Variants in SAMD12 observed in about 807,000 individuals in gnomAD.
SAMD12 encodes sterile alpha motif domain containing 12, also known as sterile alpha motif domain-containing protein 12.
Under a neutral mutation model 15.0 loss-of-function variants are expected in SAMD12, and 9 were observed. That is an observed-to-expected ratio of 0.60 (90% CI 0.36 to 1.05). SAMD12 has a LOEUF of 1.05. Ranked by LOEUF, SAMD12 falls within the 50% of genes least tolerant of loss-of-function variation. The pLI is 0.01. For missense variants in SAMD12, 230 were observed against 234.2 expected, an observed-to-expected ratio of 0.98 and a Z score of 0.12; for synonymous variants, 86 against 90.1, an observed-to-expected ratio of 0.96 and a Z score of 0.25.
chr8:118,510,308 G>T (rs535446260), intron 2 of SAMD12, among the ~76,000 whole-genome samples: 1 of 151,872 alleles, frequency 6.6e-6, no homozygotes, highest in Non-Finnish European at 1.5e-5. Flanking sequence ...CTCAGTGTAG[G>T]GTCCAGGAAC....
chr8:118,147,508 G>A, the SAMD12 span, among the ~76,000 whole-genome samples: 1 of 151,412 alleles, frequency 6.6e-6, no homozygotes, highest in Non-Finnish European at 1.5e-5. Context: ...TTACAGGTGT[G>A]TGCCATCTTG....
At chr8:118,585,545 A>C (rs1374065796) in intron 1 of SAMD12, among the ~76,000 whole-genome samples, 1 of 151,720 alleles carries the variant, frequency 6.6e-6, no homozygotes, top group Non-Finnish European at 1.5e-5. Flanking sequence ...GAGAGGTTCC[A>C]AAGATATTTT....
intron 2 of SAMD12, among the ~76,000 whole-genome samples, chr8:118,470,411 T>G (rs1392749831): frequency 2.6e-5 from 4 of 152,246 alleles, no homozygotes; most frequent in Non-Finnish European, 5.9e-5. Context: ...TCTTTTTCAC[T>G]TGTACTTTCC....
chr8:118,155,148 CTATT>C, the SAMD12 span, among the ~76,000 whole-genome samples: 1 of 152,018 alleles, frequency 6.6e-6, no homozygotes, highest in Non-Finnish European at 1.5e-5. Context: ...TTATTTGTAT[CTATT>C]TAGTATATTA....
chr8:118,446,199 T>C (rs1822906136), intron 2 of SAMD12, among the ~76,000 whole-genome samples: 1 of 150,996 alleles, frequency 6.6e-6, no homozygotes, highest in South Asian at 2.1e-4. Flanking sequence ...GACATCACTG[T>C]TGTAGTGTCT....
the SAMD12 span, among the ~76,000 whole-genome samples, chr8:118,165,308 C>T: frequency 5.9e-5 from 9 of 152,060 alleles, no homozygotes; most frequent in South Asian, 4.1e-4. Flanking sequence ...GAATACAACT[C>T]GGGAACAGCC....
chr8:118,458,073 T>C (rs1212011842), intron 2 of SAMD12, among the ~76,000 whole-genome samples: 2 of 152,158 alleles, frequency 1.3e-5, no homozygotes, highest in South Asian at 2.1e-4. Flanking sequence ...ACTCTCCCAT[T>C]TGACAAACAT....
intron 2 of SAMD12, among the ~76,000 whole-genome samples, chr8:118,560,738 A>C (rs1398030344): frequency 6.6e-6 from 1 of 152,184 alleles, no homozygotes; most frequent in African/African-American, 2.4e-5. Context: ...CATCATTATT[A>C]TAACCAGTGA....
At chr8:118,134,751 C>T in the SAMD12 span, among the ~76,000 whole-genome samples, 4 of 152,158 alleles carry the variant, frequency 2.6e-5, no homozygotes, top group Non-Finnish European at 2.9e-5. Context: ...CTAACTTGTC[C>T]GCTGTTTAAT....
At chr8:118,156,483 C>G in the SAMD12 span, among the ~76,000 whole-genome samples, 1 of 152,138 alleles carries the variant, frequency 6.6e-6, no homozygotes, top group Middle Eastern at 3.2e-3. Context: ...TGGGCCAGAT[C>G]CTGCATGTTT....
chr8:118,372,958 G>C (rs1819182390), intron 4 of SAMD12, among the ~76,000 whole-genome samples: 1 of 152,112 alleles, frequency 6.6e-6, no homozygotes, highest in Non-Finnish European at 1.5e-5. Flanking sequence ...AGGCAAAACT[G>C]TAGGGATGGA....
intron 2 of SAMD12, among the ~76,000 whole-genome samples, chr8:118,500,131 G>T (rs1263124463): frequency 4.9e-5 from 7 of 142,100 alleles, no homozygotes; most frequent in Non-Finnish European, 1.1e-4. Context: ...CAGGCTGGAG[G>T]GCAATGGCGC....
chr8:118,511,317 G>A (rs1825073462), intron 2 of SAMD12, among the ~76,000 whole-genome samples: 1 of 152,128 alleles, frequency 6.6e-6, no homozygotes. Context: ...TCATATGAAG[G>A]CGAAAACCAT....
chr8:118,159,934 G>A, the SAMD12 span, among the ~76,000 whole-genome samples: 1 of 152,008 alleles, frequency 6.6e-6, no homozygotes, highest in East Asian at 1.9e-4. Context: ...TGGCCAGGCT[G>A]GTCTCGAAAT....
At chr8:118,321,545 T>C (rs1032861594) in intron 4 of SAMD12, among the ~76,000 whole-genome samples, 3 of 151,748 alleles carry the variant, frequency 2.0e-5, no homozygotes, top group Non-Finnish European at 2.9e-5. Context: ...ACCTAGGAGA[T>C]GGAAGTTGCA....
chr8:118,145,742 A>T, the SAMD12 span, among the ~76,000 whole-genome samples: 1 of 152,224 alleles, frequency 6.6e-6, no homozygotes, highest in East Asian at 1.9e-4. Context: ...GATGAGGAAG[A>T]GAGAGCCTCA....
Position 118,250,343 on chromosome 8 carries a change from A to T in SAMD12, c.434-52611T>A, listed in dbSNP as rs535005515. ...TAAGAATGGGAAAAATAAGGGAGTG[A>T]TGTAAGAATGAAATAGAATATTTTA... On this transcript the variant is annotated intron_variant, in intron 4 of 4. Transcript: ENST00000409003. 2.6e-5 allele frequency among the ~76,000 whole-genome samples: 4 copies of T among 152,238 alleles called. No homozygotes were observed. The East Asian group carries it at 7.7e-4, about 29-fold the overall frequency.
chr8:118,488,308 G>A (rs1824344626), intron 2 of SAMD12, among the ~76,000 whole-genome samples: 1 of 151,896 alleles, frequency 6.6e-6, no homozygotes, highest in Non-Finnish European at 1.5e-5. Flanking sequence ...TGGAAATACT[G>A]GACAACTCTC....
chr8:118,593,632 T>C (rs1286223325), intron 1 of SAMD12, among the ~76,000 whole-genome samples: 1 of 152,232 alleles, frequency 6.6e-6, no homozygotes, highest in African/African-American at 2.4e-5. Context: ...TAAAGTCCTA[T>C]TGAATAGTGC....
Sources: allele counts gnomAD v4.1 joint callset (sites outside exome capture counted in the v4.1 genomes callset), GRCh38; gene constraint gnomAD v4.1.1; transcripts MANE v1.5; gene names NCBI Gene and HGNC (gene_info 2026-07-23, HGNC 2026-07-21).